ZNF804A: variants seen among roughly 807,000 people sequenced by gnomAD.
ZNF804A encodes zinc finger protein 804A.
Under a neutral mutation model 16.5 loss-of-function variants are expected in ZNF804A, and 2 were observed. The ratio of observed to expected loss-of-function variants is 0.12; its 90% CI spans 0.05 to 0.38. The LOEUF is 0.38. ZNF804A is among the 10% of genes least tolerant of loss of function. ZNF804A has a pLI of 0.99. For missense variants in ZNF804A, 1,473 were observed against 1,390.7 expected (o/e 1.06, Z -0.94); for synonymous variants, 534 against 489.6 (o/e 1.09, Z -1.20).
chr2:184,924,566 C>G (rs1335721303), intron 2 of ZNF804A, among the ~76,000 whole-genome samples: 16 of 151,196 alleles, frequency 1.1e-4, no homozygotes, highest in Admixed American at 1.1e-3. Context: ...TTTATTTCCA[C>G]TCTAATCTTT....
At chr2:184,655,448 T>G (rs1692061084) in intron 1 of ZNF804A, among the ~76,000 whole-genome samples, 1 of 152,212 alleles carries the variant, frequency 6.6e-6, no homozygotes, top group Non-Finnish European at 1.5e-5. Context: ...GGGTTGCATA[T>G]TCAAATCTCT....
At chr2:184,676,049 A>T (rs1692423990) in intron 1 of ZNF804A, among the ~76,000 whole-genome samples, 1 of 151,796 alleles carries the variant, frequency 6.6e-6, no homozygotes, top group Admixed American at 6.6e-5. Context: ...CATTACTTAC[A>T]GAATTATTTT....
At chr2:184,655,664 G>A (rs1168484446) in intron 1 of ZNF804A, among the ~76,000 whole-genome samples, 1 of 152,022 alleles carries the variant, frequency 6.6e-6, no homozygotes, top group Non-Finnish European at 1.5e-5. Flanking sequence ...TTATTTGATA[G>A]AATGGAATTC....
chr2:184,798,053 T>A (rs1449638647), intron 1 of ZNF804A, among the ~76,000 whole-genome samples: 4 of 144,718 alleles, frequency 2.8e-5, no homozygotes, highest in Non-Finnish European at 4.6e-5. Context: ...TGTGTGTGTG[T>A]GAAGATAGGG....
chr2:184,797,618 A>T (rs957420277), intron 1 of ZNF804A, among the ~76,000 whole-genome samples: 6 of 152,102 alleles, frequency 3.9e-5, no homozygotes, highest in African/African-American at 1.4e-4. Context: ...GGCCATTTAC[A>T]CTCAACATTA....
At chr2:184,685,205 G>A (rs561442944) in intron 1 of ZNF804A, among the ~76,000 whole-genome samples, 7 of 152,198 alleles carry the variant, frequency 4.6e-5, no homozygotes, top group Admixed American at 4.6e-4. Context: ...GGTTGTAGCT[G>A]GACCAGATGT....
intron 1 of ZNF804A, among the ~76,000 whole-genome samples, chr2:184,713,662 T>G: frequency 6.6e-6 from 1 of 151,946 alleles, no homozygotes; most frequent in Non-Finnish European, 1.5e-5. Context: ...AAAATAAAAG[T>G]ATAGGCTATA....
At chr2:184,800,663 G>C (rs187193161) in intron 1 of ZNF804A, among the ~76,000 whole-genome samples, 1 of 151,172 alleles carries the variant, frequency 6.6e-6, no homozygotes, top group Non-Finnish European at 1.5e-5. Context: ...TTTAGAGTTC[G>C]TAATCTAAAT....
rs574192443 is a variant in ZNF804A at position 184,894,581 on chromosome 2, G to C, written c.255+28069G>C. On this transcript the variant is annotated intron_variant, in intron 2 of 3. Transcript: ENST00000302277. ...GATTACACTTTTATTAATTACCCTT[G>C]ATCTCTAATACACATTTATATATTA... 2.6e-5 allele frequency among the ~76,000 whole-genome samples: 4 copies of C among 151,694 alleles called. No individual in the cohort carries two copies. In the South Asian group the frequency reaches 8.3e-4, roughly 32 times the overall value.
chr2:184,777,957 A>G (rs1694313609), intron 1 of ZNF804A, among the ~76,000 whole-genome samples: 1 of 151,720 alleles, frequency 6.6e-6, no homozygotes, highest in Non-Finnish European at 1.5e-5. Flanking sequence ...ACTGTAATAT[A>G]AGCAATTAAT....
chr2:184,731,248 T>A (rs1693511149), intron 1 of ZNF804A, among the ~76,000 whole-genome samples: 1 of 43,850 alleles, frequency 2.3e-5, no homozygotes, highest in Non-Finnish European at 4.0e-5. Context: ...CTAGGCTCCG[T>A]CGCAAAAAAA....
At chr2:184,809,656 T>C (rs910214037) in intron 1 of ZNF804A, among the ~76,000 whole-genome samples, 2 of 151,944 alleles carry the variant, frequency 1.3e-5, no homozygotes, top group African/African-American at 4.8e-5. Context: ...ATATATTTTA[T>C]GGTAAAATAG....
chr2:184,914,905 A>G (rs1034331373), intron 2 of ZNF804A, among the ~76,000 whole-genome samples: 1 of 151,686 alleles, frequency 6.6e-6, no homozygotes, highest in African/African-American at 2.4e-5. Context: ...CACTAGATTG[A>G]TATTATTTGA....
intron 1 of ZNF804A, among the ~76,000 whole-genome samples, chr2:184,806,212 G>A (rs990253050): frequency 5.3e-5 from 8 of 151,928 alleles, no homozygotes; most frequent in African/African-American, 1.7e-4. Flanking sequence ...GTTCTCTAGA[G>A]CACTGCAGGA....
chr2:184,620,063 T>C (rs577539992), intron 1 of ZNF804A, among the ~76,000 whole-genome samples: 1 of 151,782 alleles, frequency 6.6e-6, no homozygotes, highest in African/African-American at 2.4e-5. Flanking sequence ...TGATATCAGA[T>C]TATGAATAAT....
intron 1 of ZNF804A, among the ~76,000 whole-genome samples, chr2:184,695,147 A>T (rs2105727837): frequency 6.6e-6 from 1 of 152,270 alleles, no homozygotes; most frequent in South Asian, 2.1e-4. Flanking sequence ...AGAGATAGAG[A>T]TTATCAACAA....
intron 1 of ZNF804A, among the ~76,000 whole-genome samples, chr2:184,638,638 A>G (rs1691742062): frequency 6.6e-6 from 1 of 152,204 alleles, no homozygotes; most frequent in African/African-American, 2.4e-5. Flanking sequence ...GATTTTATGT[A>G]TATAACCTTA....
intron 1 of ZNF804A, among the ~76,000 whole-genome samples, chr2:184,799,339 T>C (rs1263881346): frequency 6.6e-6 from 1 of 152,170 alleles, no homozygotes; most frequent in African/African-American, 2.4e-5. Flanking sequence ...CCTTGCATAC[T>C]CATATAAACC....
At chr2:184,684,960 C>T (rs6760206) in intron 1 of ZNF804A, among the ~76,000 whole-genome samples, 4,530 of 152,136 alleles carry the variant, frequency 0.03, 227 homozygotes, top group African/African-American at 0.1. Context: ...TGCCTTCTGC[C>T]TGAGTGTTGC....
Sources: allele counts gnomAD v4.1 joint callset (sites outside exome capture counted in the v4.1 genomes callset), GRCh38; gene constraint gnomAD v4.1.1; transcripts MANE v1.5; gene names NCBI Gene and HGNC (gene_info 2026-07-23, HGNC 2026-07-21).